The following PGC variants were observed in gnomAD, a reference collection of about 807,000 sequenced individuals.
PGC encodes the protein progastricsin.
A neutral mutation model predicts 45.9 loss-of-function variants in PGC; 31 were observed. The observed-to-expected ratio is 0.67, with a 90% CI of 0.51 to 0.91. PGC has a LOEUF of 0.91. Among genes scored for constraint, PGC ranks in the 40% least tolerant of loss-of-function variants. The pLI is 0.00. For missense variants in PGC, 477 were observed against 493.2 expected (o/e 0.97, Z 0.31); for synonymous variants, 192 against 201.8 (o/e 0.95, Z 0.41).
At position 41,740,599 on chromosome 6, in the gene PGC, G is replaced by C. The variant is rs1351921456; in HGVS notation, c.659C>G (p.Ser220Cys). ...FSVYLSNQQG[S>C]SGGAVVFGGV... is the part of the protein sequence containing the mutation. ...CCCAAAGACAACCGCTCCCCCGCTGGAGCCCTGCTGGCTGCAGGAGAGAAA... is the reference window on the plus strand; with the variant it reads ...CCCAAAGACAACCGCTCCCCCGCTGCAGCCCTGCTGGCTGCAGGAGAGAAA... The change falls in exon 6 of 9, where the codon TCC becomes TGC. Residue 220 changes from serine (S) to cysteine (C), a missense_variant. By Grantham distance (112) the Ser-to-Cys change is moderately radical (BLOSUM62 -1). Coordinates refer to ENST00000373025, the MANE Select transcript of PGC (RefSeq NM_002630.4). 2 of 1,599,598 alleles carry C rather than the reference G, an allele frequency of 1.3e-6. No homozygotes were observed. Among genetic ancestry groups the C allele is most frequent in the African/African-American group, 2.7e-5 (2 of 74,026 alleles).
At chr6:41,738,181 T>C (rs12201438) in intron 7 of PGC, among the ~76,000 whole-genome samples, 2 of 41,356 alleles carry the variant, frequency 4.8e-5, no homozygotes, top group Admixed American at 2.9e-4. Context: ...TATATATACA[T>C]ATATATATGC....
At chr6:41,738,241 T>TATATGCATATATATACATATATATATAC (rs1771751631) in intron 7 of PGC, among the ~76,000 whole-genome samples, 1 of 21,780 alleles carries the variant, frequency 4.6e-5, no homozygotes. Context: ...TATATATGTA[T>TATATGCATATATATACATATATATATAC]ATATATATGC....
At chr6:41,742,181 G>C in intron 5 of PGC, 109 bp downstream of exon 5, 1 of 971,446 alleles carries the variant, frequency 1.0e-6, no homozygotes. Flanking sequence ...GGAGCCAGAT[G>C]CCCGCTGGGA....
Position 41,744,030 on chromosome 6 carries a change from A to G in PGC, c.328+367T>C, listed in dbSNP as rs547891281. The stretch of plus-strand genomic sequence containing the variant: ...CTTAGTAAATACTGAGGTGGAGCAG[A>G]ATAGAATGGAGTAGAATGGAGTGGG... On this transcript the variant is annotated intron_variant, in intron 3 of 8. Coordinates refer to ENST00000373025, the MANE Select transcript of PGC (RefSeq NM_002630.4). This position sits in a 1 kb window ranked among gnomAD's most constrained non-coding sequence, Gnocchi z 4.4. Among the ~76,000 whole-genome samples the G allele has an allele frequency of 6.6e-6, 1 of 152,270 alleles. No individual in the cohort carries two copies. Among genetic ancestry groups the G allele is most frequent in the East Asian group, 1.9e-4 (1 of 5,178 alleles).
Position 41,736,935 on chromosome 6 carries a change from T to A in PGC, c.1084A>T (p.Ile362Phe), listed in dbSNP as rs1477384162. The change falls in exon 9 of 9, where the codon ATC becomes TTC. Residue 362 changes from isoleucine to phenylalanine, a missense_variant. Physicochemically the swap from Ile to Phe is conservative, Grantham distance 21. Coordinates refer to ENST00000373025, the MANE Select transcript of PGC (RefSeq NM_002630.4). ...LSSQNGQPLW[I>F]LGDVFLRSYY... ...GACCTGAGGAAGACATCCCCGAGGA[T>A]CCACAGGGGCTGGCCGTTCTGGGAG... 8 of 1,613,914 alleles carry A rather than the reference T, an allele frequency of 5.0e-6. 1 individual carries two copies. In the South Asian group the frequency reaches 5.5e-5, roughly 11 times the overall value.
rs749694528 is a variant in PGC, at chr6:41,740,662, T to G, written c.648-52A>C. 2.6e-6 allele frequency: 4 copies of G among 1,546,042 alleles called. No homozygotes were observed. The South Asian group carries it at 5.0e-5, about 19-fold the overall frequency. On this transcript the variant is annotated intron_variant, in intron 5 of 8. Transcript: ENST00000373025. ...TCAGGGAGTGCCATGGAAAAGGACTTTCCTCCTGAGCAGTCACCTCCACAG... is the reference window on the plus strand; with the variant it reads ...TCAGGGAGTGCCATGGAAAAGGACTGTCCTCCTGAGCAGTCACCTCCACAG...
Position 41,739,849 on chromosome 6 carries a change from T to C in PGC, c.865A>G (p.Met289Val). ...TSLLTVPQQYMSALLQATGAQ... is the reference protein window; with the variant it reads ...TSLLTVPQQYVSALLQATGAQ... Reference sequence around the variant, plus strand: ...CCTGTGGCCTGCAGAAGAGCACTCATGTACTGCTGGGGCACAGTGAGCAGA... The same window carrying C: ...CCTGTGGCCTGCAGAAGAGCACTCACGTACTGCTGGGGCACAGTGAGCAGA... Residue 289 changes from methionine (M) to valine (V), a missense_variant, in exon 7 of 9, where the codon ATG (methionine) becomes GTG (valine). Met to Val is a conservative substitution (Grantham distance 21). Coordinates refer to ENST00000373025, the MANE Select transcript of PGC (RefSeq NM_002630.4). The C allele has an allele frequency of 1.9e-6, 3 of 1,614,102 alleles. No individual in the cohort carries two copies. Among genetic ancestry groups the C allele is most frequent in the Non-Finnish European group, 2.5e-6 (3 of 1,180,010 alleles).
At chr6:41,737,512 T>C (rs771192718) in intron 8 of PGC, among the ~76,000 whole-genome samples, 20 of 152,200 alleles carry the variant, frequency 1.3e-4, no homozygotes, top group Admixed American at 6.5e-5. Context: ...CCAGTGCCTC[T>C]CCCCACTAAT....
rs201201501 is a variant in PGC, at chr6:41,739,921, C to T, written c.793G>A (p.Gly265Ser). The change falls in exon 7 of 9, where the codon GGC becomes AGC. Residue 265 changes from glycine (G) to serine (S), a missense_variant. Gly to Ser is a moderately conservative substitution (Grantham distance 56, BLOSUM62 0). Coordinates refer to ENST00000373025, the MANE Select transcript of PGC (RefSeq NM_002630.4). ...EEFLIGGQASGWCSEGCQAIV... is the reference protein window; with the variant it reads ...EEFLIGGQASSWCSEGCQAIV... ...GCCTGGCAACCCTCAGAACACCAGCCGGAGGCCTGGCCGCCGATGAGGAAC... is the reference window on the plus strand; with the variant it reads ...GCCTGGCAACCCTCAGAACACCAGCTGGAGGCCTGGCCGCCGATGAGGAAC... 5.6e-6 allele frequency: 9 copies of T among 1,614,040 alleles called. No individual in the cohort carries two copies. The African/African-American group carries it at 9.3e-5, about 17-fold the overall frequency.
chr6:41,745,014 T>TGTGC (rs1415285815), intron 1 of PGC, among the ~76,000 whole-genome samples: 7 of 99,888 alleles, frequency 7.0e-5, no homozygotes, highest in South Asian at 4.1e-4. Flanking sequence ...TGTGTGTGTG[T>TGTGC]GCGCGCGCGC....
rs1394848258 is a variant in PGC at position 41,741,173 on chromosome 6, T to C, written c.648-563A>G. On this transcript the variant is annotated intron_variant, in intron 5 of 8. Coordinates refer to ENST00000373025, the MANE Select transcript of PGC (RefSeq NM_002630.4). ...TGGTGAAGGGGGTAAGGATATTCCA[T>C]GTTTGTTCCAGAGGCTTCTCTGGTA... is the stretch of plus-strand genomic sequence containing the variant. 5.9e-6 allele frequency: 9 copies of C among 1,534,572 alleles called. No homozygotes were observed. The East Asian group carries it at 9.8e-5, about 17-fold the overall frequency.
intron 1 of PGC, among the ~76,000 whole-genome samples, chr6:41,745,289 A>G (rs1023036146): frequency 4.6e-5 from 7 of 151,882 alleles, no homozygotes; most frequent in African/African-American, 1.7e-4. Flanking sequence ...CCCAGGCTAG[A>G]GTGCAATGGC....
At chr6:41,742,763 T>C (rs1771855329) in intron 4 of PGC, among the ~76,000 whole-genome samples, 1 of 152,232 alleles carries the variant, frequency 6.6e-6, no homozygotes, top group Non-Finnish European at 1.5e-5. Flanking sequence ...TAGCTGGGAC[T>C]GCAGGCGCGT....
chr6:41,741,384 A>C (rs530775260), intron 5 of PGC, among the ~76,000 whole-genome samples: 65 of 152,268 alleles, frequency 4.3e-4, no homozygotes, highest in African/African-American at 1.4e-3. Context: ...AGTGGCTCAC[A>C]CCTGTAATCC....
chr6:41,743,584 C>G (rs3789210), intron 3 of PGC, among the ~76,000 whole-genome samples, 195 bp from the exon 4 acceptor site: 13,988 of 152,260 alleles, frequency 0.092, 691 homozygotes, highest in Non-Finnish European at 0.12. Flanking sequence ...CCCAAAGCCC[C>G]TTCTGACTTA....
intron 4 of PGC, among the ~76,000 whole-genome samples, chr6:41,742,799 T>C (rs1661028215): frequency 6.6e-6 from 1 of 152,188 alleles, no homozygotes; most frequent in Admixed American, 6.5e-5. Flanking sequence ...TAATTTTTTG[T>C]ACTTTTAATA....
chr6:41,736,825 G>A lies in PGC; in HGVS notation c.*27C>T. On this transcript the variant is annotated 3_prime_UTR_variant, in exon 9 of 9. Transcript: ENST00000373025. ...GAGGGTGCAGGGTCAAGAGGAAGAG[G>A]GGAGCCCACGTGTCGAGGCAGCAAG... 1 of 1,613,360 alleles carries A rather than the reference G, an allele frequency of 6.2e-7. No individual in the cohort carries two copies. Among genetic ancestry groups the A allele is most frequent in the East Asian group, 2.2e-5 (1 of 44,872 alleles).
At chr6:41,740,937 C>T (rs2127289564) in intron 5 of PGC, 1 of 1,493,692 alleles carries the variant, frequency 6.7e-7, no homozygotes, top group South Asian at 1.3e-5. Flanking sequence ...GTCCCTTAGA[C>T]TGGGGCTTTC....
At chr6:41,737,885 C>G (rs1010230758) in intron 7 of PGC, 57 bp from the exon 8 acceptor site, 25 of 1,016,680 alleles carry the variant, frequency 2.5e-5, no homozygotes, top group Non-Finnish European at 3.9e-5. Context: ...CACCCACCAG[C>G]CCCATCATCT....
Sources: gnomAD v4.1 joint callset for allele counts (sites outside exome capture counted in the v4.1 genomes callset) on GRCh38, gnomAD v4.1.1 for gene constraint, Gnocchi (gnomAD v3.1) non-coding constraint, MANE v1.5 for transcripts, NCBI Gene and HGNC (gene_info 2026-07-23, HGNC 2026-07-21) for gene names.